The following IKBKG variants were observed in gnomAD, a reference collection of about 807,000 sequenced individuals.
IKBKG encodes the protein inhibitor of nuclear factor kappa B kinase regulatory subunit gamma.
Under a neutral mutation model 13.7 loss-of-function variants are expected in IKBKG, and 2 were observed. The observed-to-expected ratio is 0.15, with a 90% CI of 0.06 to 0.46. The LOEUF is 0.46. Ranked by LOEUF, IKBKG falls within the 20% of genes least tolerant of loss-of-function variation. The pLI is 0.98. For missense variants in IKBKG, 53 were observed against 150.3 expected (o/e 0.35, Z 3.39); for synonymous variants, 22 against 64.4 (o/e 0.34, Z 3.15).
At chrX:154,544,288 A>G (rs782285808), upstream of IKBKG, among the ~76,000 whole-genome samples, 49 of 110,542 alleles carry the variant, frequency 4.4e-4, no homozygotes, top group African/African-American at 1.3e-3. Context: ...CAGCCTACTG[A>G]GTAGCTGGGA....
intron 2 of IKBKG, among the ~76,000 whole-genome samples, chrX:154,555,121 C>T (rs782587819): frequency 8.1e-5 from 9 of 111,474 alleles, no homozygotes; most frequent in South Asian, 3.7e-4. Flanking sequence ...TAACCCTCCT[C>T]GTCTTGTAAG....
At position 154,542,282 on chromosome X, in the gene IKBKG, G is replaced by A. The variant is rs202220072; in HGVS notation, c.-186G>A. 1.4e-4 allele frequency: 158 copies of A among 1,150,982 alleles called. No homozygotes were observed. The highest frequency in any genetic ancestry group is 1.7e-4 in the Non-Finnish European group (149 of 858,836). The allele number at this position is 1,150,982 out of a possible 1,213,427, so 94.9% of individuals were successfully genotyped here. ...CAAGCCCATGGCCCTTGTGATCCAG[G>A]TGGGGAAACTAAGGCCCAGAGAAGT... On this transcript the variant is annotated splice_region_variant and 5_prime_UTR_variant, in exon 2 of 11. Transcript: ENST00000422680.
At chrX:154,544,189 GTC>G (rs2070617286), upstream of IKBKG, among the ~76,000 whole-genome samples, 1 of 101,444 alleles carries the variant, frequency 9.9e-6, no homozygotes, top group African/African-American at 3.7e-5. Context: ...TTGAGACAGA[GTC>G]TCGCTCTGTC....
At position 154,552,183 on chromosome X, in the gene IKBKG, C is replaced by T; in HGVS notation, c.181C>T (p.Leu61Phe). 1 of 1,187,281 alleles carries T rather than the reference C, an allele frequency of 8.4e-7. No individual in the cohort carries two copies. The highest frequency in any genetic ancestry group is 1.9e-5 in the South Asian group (1 of 53,905). The change falls in exon 2 of 10, where the codon CTC becomes TTC. Residue 61 changes from leucine (L) to phenylalanine (F), a missense_variant. Leu to Phe is a conservative substitution (Grantham distance 22). This residue lies in a region of IKBKG where 47 missense variants were observed against 50.0 expected (regional missense o/e 0.94). Transcript: ENST00000594239. ...LQRCLEENQE[L>F]RDAIRQSNQI... ...GCGCTGCCTGGAGGAGAATCAAGAG[C>T]TCCGAGGTGAGGAAAGAGTCAGGGG...
At chrX:154,546,888 G>C, upstream of IKBKG, 1 of 1,020,556 alleles carries the variant, frequency 9.8e-7, no homozygotes, top group Non-Finnish European at 1.3e-6. Flanking sequence ...GCGGGGGCGG[G>C]GGCGGGCGCC....
At chrX:154,551,554 T>C (rs782190170) in intron 1 of IKBKG, among the ~76,000 whole-genome samples, 1 of 111,826 alleles carries the variant, frequency 8.9e-6, no homozygotes, top group African/African-American at 3.2e-5. Flanking sequence ...AAGACCCTTT[T>C]CCCGAATCAC....
At chrX:154,549,263 G>C (rs1267509938) in intron 1 of IKBKG, among the ~76,000 whole-genome samples, 1 of 110,050 alleles carries the variant, frequency 9.1e-6, no homozygotes, top group Non-Finnish European at 1.9e-5. Flanking sequence ...TTACAGGCAT[G>C]AGCCACCGCG....
chrX:154,546,140 C>G, upstream of IKBKG: 1 of 1,211,947 alleles, frequency 8.3e-7, no homozygotes, highest in Non-Finnish European at 1.1e-6. Flanking sequence ...CGGCTCAGGG[C>G]CACCTGCTCT....
intron 1 of IKBKG, chrX:154,542,112 A>C: frequency 2.4e-6 from 1 of 415,003 alleles, no homozygotes. Context: ...GCTTTGGGGG[A>C]GTGCCAACAT....
chrX:154,542,436 C>T (rs782142125), upstream of IKBKG: 27 of 1,185,492 alleles, frequency 2.3e-5, no homozygotes, highest in Non-Finnish European at 3.1e-5. Context: ...AAGGCCAGAG[C>T]TTTCTGGAAG....
upstream of IKBKG, chrX:154,545,892 G>C (rs1376984457): frequency 1.4e-6 from 1 of 735,526 alleles, no homozygotes; most frequent in Admixed American, 2.4e-5. Flanking sequence ...GGTAGAGCCG[G>C]GATGATCCTG....
intron 1 of IKBKG, among the ~76,000 whole-genome samples, chrX:154,542,076 T>C (rs1332353866): frequency 1.8e-5 from 2 of 112,367 alleles, no homozygotes; most frequent in Non-Finnish European, 3.8e-5. Context: ...CTCCCTGCTA[T>C]ACCCGGGGGC....
intron 1 of IKBKG, among the ~76,000 whole-genome samples, chrX:154,548,608 G>C (rs1184497345): frequency 8.9e-6 from 1 of 112,640 alleles, no homozygotes; most frequent in African/African-American, 3.2e-5. Flanking sequence ...CTGTCGCCCA[G>C]GCTGGAGTGC....
At chrX:154,542,456 A>G (rs1557232212), upstream of IKBKG, 1 of 1,175,739 alleles carries the variant, frequency 8.5e-7, no homozygotes. Flanking sequence ...GGGGGCAGTA[A>G]GTACCTCGGC....
upstream of IKBKG, among the ~76,000 whole-genome samples, chrX:154,544,915 A>G (rs782578711): frequency 5.3e-5 from 6 of 112,662 alleles, no homozygotes; most frequent in Non-Finnish European, 1.1e-4. Flanking sequence ...ATGTGGAAGA[A>G]CTAACTAGTT....
chrX:154,546,232 G>A, upstream of IKBKG: 1 of 1,175,621 alleles, frequency 8.5e-7, no homozygotes, highest in Non-Finnish European at 1.1e-6. Context: ...CCCCTTTCTT[G>A]AGAGTTCCTC....
rs782173858 is a variant in IKBKG at position 154,552,160 on chromosome X, G to A, written c.158G>A (p.Arg53His). 8 of 1,191,833 alleles carry A rather than the reference G, an allele frequency of 6.7e-6. No homozygotes were observed. In the South Asian group the frequency reaches 1.1e-4, roughly 16 times the overall value. ...SEQGAPETLQ[R>H]CLEENQELRD... Reference sequence around the variant, plus strand: ...CAGGGCGCTCCTGAGACCCTCCAGCGCTGCCTGGAGGAGAATCAAGAGCTC... The same window carrying A: ...CAGGGCGCTCCTGAGACCCTCCAGCACTGCCTGGAGGAGAATCAAGAGCTC... Residue 53 changes from arginine to histidine, a missense_variant, in exon 2 of 10, where the codon CGC becomes CAC. Arg to His is a conservative substitution (Grantham distance 29). This residue lies in a region of IKBKG where 47 missense variants were observed against 50.0 expected (regional missense o/e 0.94). Transcript: ENST00000594239.
At chrX:154,548,827 A>C (rs1243906844) in intron 1 of IKBKG, among the ~76,000 whole-genome samples, 1 of 111,351 alleles carries the variant, frequency 9.0e-6, no homozygotes, top group Non-Finnish European at 1.9e-5. Context: ...CAGACTCCCA[A>C]AGTGCTGGGA....
At chrX:154,545,176 C>T (rs1159554781), upstream of IKBKG, among the ~76,000 whole-genome samples, 1 of 111,390 alleles carries the variant, frequency 9.0e-6, no homozygotes, top group Non-Finnish European at 1.9e-5. Flanking sequence ...CATGGAAATC[C>T]TCATGCTATA....
Sources: allele counts gnomAD v4.1 joint callset (sites outside exome capture counted in the v4.1 genomes callset), GRCh38; gene constraint gnomAD v4.1.1; regional missense constraint gnomAD v4.1.1; transcripts MANE v1.5; gene names NCBI Gene and HGNC (gene_info 2026-07-23, HGNC 2026-07-21).